WDR62: variants seen among roughly 807,000 people sequenced by gnomAD.
WDR62 encodes the protein WD repeat-containing protein 62.
In WDR62, 112 loss-of-function variants were observed where a neutral mutation model predicts 160.6. That is an observed-to-expected ratio of 0.70 (90% CI 0.60 to 0.82). The LOEUF is 0.82. Ranked by LOEUF, WDR62 falls within the 40% of genes least tolerant of loss-of-function variation. WDR62 has a pLI of 0.00. For synonymous variants in WDR62, 792 were observed against 815.1 expected, an observed-to-expected ratio of 0.97 and a Z score of 0.48; for missense variants, 1,819 against 1,983.8, an observed-to-expected ratio of 0.92 and a Z score of 1.58.
At chr19:36,064,952 A>G (rs1212171346) in intron 3 of WDR62, among the ~76,000 whole-genome samples, 2 of 152,164 alleles carry the variant, frequency 1.3e-5, no homozygotes, top group South Asian at 2.1e-4. Context: ...ATGGCCCAAG[A>G]TGGAGTTCTG....
At chr19:36,082,138 G>C (rs1971936240) in intron 10 of WDR62, among the ~76,000 whole-genome samples, 1 of 152,208 alleles carries the variant, frequency 6.6e-6, no homozygotes, top group Non-Finnish European at 1.5e-5. Context: ...ACATGCTAGG[G>C]ACACAACAGT....
intron 2 of WDR62, 112 bp downstream of exon 2, chr19:36,058,983 G>A (rs1371056935): frequency 3.4e-6 from 3 of 880,984 alleles, no homozygotes; most frequent in African/African-American, 1.7e-5. Context: ...GTAGAATGTG[G>A]AGAATGGGGC....
Position 36,101,262 on chromosome 19 carries a change from CG to C in WDR62, c.2917del (p.Asp973ThrfsTer95). ...AGGCCGGGCCTGGAGACCAGCAGGG[CG>C]ACTCCTACCTCAGGGTGTCCTCCGA... ...VEAGPGDQQG[D>X]SYLRVSSDSP... On this transcript the variant is annotated frameshift_variant, in exon 24 of 32. Coordinates refer to ENST00000401500, the MANE Select transcript of WDR62 (RefSeq NM_001083961.2). LOFTEE classifies it high-confidence loss of function. 6.2e-7 allele frequency: 1 copy of C among 1,613,098 alleles called. No homozygotes were observed. Among genetic ancestry groups the C allele is most frequent in the Non-Finnish European group, 8.5e-7 (1 of 1,179,828 alleles).
chr19:36,078,740 G>A (rs1422971187), intron 9 of WDR62, among the ~76,000 whole-genome samples: 1 of 150,724 alleles, frequency 6.6e-6, no homozygotes, highest in African/African-American at 2.4e-5. Flanking sequence ...GGGGGCTGAG[G>A]CAGGAGAATT....
intron 20 of WDR62, 119 bp downstream of exon 20, chr19:36,094,283 G>C: frequency 7.5e-7 from 1 of 1,328,550 alleles, no homozygotes; most frequent in Admixed American, 1.8e-5. Flanking sequence ...ACAGGGTGCG[G>C]TGGCTGATAC....
intron 9 of WDR62, among the ~76,000 whole-genome samples, chr19:36,080,528 G>T (rs1371415609): frequency 1.3e-5 from 2 of 151,884 alleles, no homozygotes; most frequent in Non-Finnish European, 2.9e-5. Context: ...CCAGGTTCAA[G>T]CAATTCTGCT....
At chr19:36,095,172 C>T (rs548385062) in intron 20 of WDR62, among the ~76,000 whole-genome samples, 4 of 152,298 alleles carry the variant, frequency 2.6e-5, no homozygotes, top group African/African-American at 4.8e-5. Context: ...TCCAGATAGA[C>T]AGATGATGTT....
rs769837602 is a variant in WDR62 at position 36,099,421 on chromosome 19, A to G, written c.2543A>G (p.Asp848Gly). 1 of 1,613,512 alleles carries G rather than the reference A, an allele frequency of 6.2e-7. No individual in the cohort carries two copies. The highest frequency in any genetic ancestry group is 1.3e-5 in the African/African-American group (1 of 74,924). ...KRLLGDDDVA[D>G]GLAFHAKRSY... is the part of the protein sequence containing the mutation. ...AAGCTAGGGGACGATGATGTGGCAG[A>G]TGGCTTGGCCTTCCACGCCAAGCGC... Residue 848 changes from aspartate (D) to glycine (G), a missense_variant, in exon 22 of 32, where the codon GAT becomes GGT. Physicochemically the swap from Asp to Gly is moderately conservative, Grantham distance 94 (BLOSUM62 -1). This residue lies in a region of WDR62 where 934 missense variants were observed against 1,157.2 expected (regional missense o/e 0.81). Transcript: ENST00000401500.
chr19:36,100,688 C>T (rs780186554), intron 22 of WDR62, 60 bp from the exon 23 acceptor site: 477 of 1,608,778 alleles, frequency 3.0e-4, no homozygotes, highest in Non-Finnish European at 3.9e-4. Flanking sequence ...TGGTTCCTGG[C>T]GCACTGTTGG....
chr19:36,086,829 C>A lies in WDR62; in HGVS notation c.1768+17C>A, dbSNP rs149269223. ...AGTTCGCTGGTGAGCCCCTTTCTTC[C>A]CGCTCCCTGCGCCTTGCTAGCTACC... On this transcript the variant is annotated intron_variant, in intron 13 of 31. Transcript: ENST00000401500. 2 of 1,607,228 alleles carry A rather than the reference C, an allele frequency of 1.2e-6. No homozygotes were observed. The highest frequency in any genetic ancestry group is 2.2e-5 in the South Asian group (2 of 89,994).
Position 36,102,490 on chromosome 19 carries a change from G to T in WDR62, c.3221-247G>T. 3 of 590,898 alleles carry T rather than the reference G, an allele frequency of 5.1e-6. No individual in the cohort carries two copies. In the Admixed American group the frequency reaches 8.9e-5, roughly 18 times the overall value. The allele number at this position is 590,898 out of a possible 1,614,324, so 36.6% of individuals were successfully genotyped here. ...TTGGCCAGACTGGTCTCAAACTCCT[G>T]CCTCAGATGATCTGCCCGCCTTGGC... On this transcript the variant is annotated intron_variant, in intron 26 of 31. Coordinates refer to ENST00000401500, the MANE Select transcript of WDR62 (RefSeq NM_001083961.2).
chr19:36,069,211 G>A (rs1321062482), intron 7 of WDR62, among the ~76,000 whole-genome samples: 3 of 150,954 alleles, frequency 2.0e-5, no homozygotes, highest in Non-Finnish European at 4.4e-5. Context: ...GCTGCTGGGC[G>A]GAGACGCTCC....
chr19:36,084,557 C>T, intron 11 of WDR62, 96 bp from the exon 12 acceptor site: 1 of 1,161,604 alleles, frequency 8.6e-7, no homozygotes, highest in East Asian at 2.3e-5. Flanking sequence ...AAGGGGTTCT[C>T]ATTGTTGGTG....
In WDR62 at chr19:36,104,915, C is replaced by T; in HGVS notation, c.4459C>T (p.Pro1487Ser). The change falls in exon 32 of 32, where the codon CCC becomes TCC. Residue 1487 changes from proline (P) to serine (S), a missense_variant. By Grantham distance (74) the Pro-to-Ser change is moderately conservative. Coordinates refer to ENST00000401500, the MANE Select transcript of WDR62 (RefSeq NM_001083961.2). ...APAQALPSPG[P>S]PSPPTLYPLA... is the part of the protein sequence containing the mutation. ...AGCCCAGGCTCTGCCCAGCCCAGGA[C>T]CCCCGTCCCCACCGACGCTGTACCC... 1 of 1,610,222 alleles carries T rather than the reference C, an allele frequency of 6.2e-7. No homozygotes were observed. The highest frequency in any genetic ancestry group is 1.3e-5 in the African/African-American group (1 of 74,970).
At chr19:36,107,350 G>A (rs1185887157), downstream of WDR62, among the ~76,000 whole-genome samples, 5 of 152,142 alleles carry the variant, frequency 3.3e-5, no homozygotes, top group African/African-American at 9.7e-5. Context: ...GCCTGGAAGC[G>A]CAGGAGCTAG....
Position 36,071,550 on chromosome 19 carries a change from C to G in WDR62, c.883-6C>G, listed in dbSNP as rs1971300182. On this transcript the variant is annotated splice_region_variant and splice_polypyrimidine_tract_variant and intron_variant, in intron 7 of 31. Transcript: ENST00000401500. ...AAATCCACTGGGGTCCCTTTTGCCCCTACAGGTCTCCCTGTCTTCCTGCCT... is the reference window on the plus strand; with the variant it reads ...AAATCCACTGGGGTCCCTTTTGCCCGTACAGGTCTCCCTGTCTTCCTGCCT... 6.2e-7 allele frequency: 1 copy of G among 1,614,112 alleles called. No homozygotes were observed. Among genetic ancestry groups the G allele is most frequent in the Non-Finnish European group, 8.5e-7 (1 of 1,180,050 alleles).
At chr19:36,090,541 G>A (rs373281082) in intron 16 of WDR62, 21 bp downstream of exon 16, 2 of 1,612,946 alleles carry the variant, frequency 1.2e-6, no homozygotes, top group Non-Finnish European at 1.7e-6. Flanking sequence ...GGAGACCCCT[G>A]TCTGTCTGCT....
At chr19:36,080,581 C>T (rs920099692) in intron 9 of WDR62, among the ~76,000 whole-genome samples, 2 of 152,050 alleles carry the variant, frequency 1.3e-5, no homozygotes, top group African/African-American at 4.8e-5. Context: ...GCCTCAGCCT[C>T]CCGAGTAGCT....
At chr19:36,095,032 A>G (rs1222062359) in intron 20 of WDR62, among the ~76,000 whole-genome samples, 1 of 152,198 alleles carries the variant, frequency 6.6e-6, no homozygotes, top group Non-Finnish European at 1.5e-5. Flanking sequence ...TCCTGTCTGT[A>G]GAAAAAGAAA....
Sources: allele counts gnomAD v4.1 joint callset (sites outside exome capture counted in the v4.1 genomes callset), GRCh38; gene constraint gnomAD v4.1.1; regional missense constraint gnomAD v4.1.1; transcripts MANE v1.5; gene names NCBI Gene and HGNC (gene_info 2026-07-23, HGNC 2026-07-21).